Variants in RAB36 observed in about 807,000 individuals in gnomAD.
The protein encoded by RAB36 is RAB36, member RAS oncogene family.
A neutral mutation model predicts 39.3 loss-of-function variants in RAB36; 33 were observed. The observed-to-expected ratio is 0.84, with a 90% confidence interval of 0.64 to 1.12. The LOEUF is 1.12. Ranked by LOEUF, RAB36 falls within the 50% of genes most tolerant of loss-of-function variation. The pLI, the probability that RAB36 is intolerant of heterozygous loss-of-function variation, is 0.00. For missense variants in RAB36, 308 were observed against 355.3 expected, an observed-to-expected ratio of 0.87 and a Z score of 1.07; for synonymous variants, 133 against 140.2, an observed-to-expected ratio of 0.95 and a Z score of 0.36.
In RAB36 at chr22:23,163,325, GTT is replaced by G. The variant is rs1158929864; in HGVS notation, c.*1762_*1763del. The G allele has an allele frequency of 6.5e-6, 1 of 152,978 alleles. No individual in the cohort carries two copies. The highest frequency in any genetic ancestry group is 1.5e-5 in the Non-Finnish European group (1 of 68,682). The allele number at this position is 152,978 out of a possible 1,614,324, so 9.5% of individuals were successfully genotyped here. A position where few individuals can be genotyped will look rare whatever the true frequency, so the allele number is the denominator to read the frequency against. On this transcript the variant is annotated 3_prime_UTR_variant, in exon 11 of 11. Transcript: ENST00000263116. Reference sequence around the variant, plus strand: ...GCTCACTGCAAGCTTCCCCTTCCGGGTTCATGCCATTCTCCTGCCTCAGCCTC... The same window carrying G: ...GCTCACTGCAAGCTTCCCCTTCCGGGCATGCCATTCTCCTGCCTCAGCCTC...
rs375402735 is a variant in RAB36, at chr22:23,163,055, G to A, written c.*1491G>A. 11 of 273,474 alleles carry A rather than the reference G, an allele frequency of 4.0e-5. No individual in the cohort carries two copies. In the East Asian group the frequency reaches 8.6e-4, roughly 21 times the overall value. The allele number at this position is 273,474 out of a possible 1,614,324, so 16.9% of individuals were successfully genotyped here. A position where few individuals can be genotyped will look rare whatever the true frequency, so the allele number is the denominator to read the frequency against. Reference sequence around the variant, plus strand: ...GCCTCCCAAGTAGCTGGGATTACAGGCATGCACCACCATGCCTGGCTAATT... The same window carrying A: ...GCCTCCCAAGTAGCTGGGATTACAGACATGCACCACCATGCCTGGCTAATT... On this transcript the variant is annotated 3_prime_UTR_variant, in exon 11 of 11. Coordinates refer to ENST00000263116, the MANE Select transcript of RAB36 (RefSeq NM_004914.5).
intron 1 of RAB36, among the ~76,000 whole-genome samples, chr22:23,146,382 G>GT (rs900607989): frequency 1.5e-4 from 22 of 151,062 alleles, no homozygotes; most frequent in African/African-American, 2.4e-4. Flanking sequence ...AATTTTTTTG[G>GT]TTTTTTTTTG....
rs1438627610 is a variant in RAB36 at position 23,152,556 on chromosome 22, C to G, written c.227+30C>G. On this transcript the variant is annotated intron_variant, in intron 4 of 10. Coordinates refer to ENST00000263116, the MANE Select transcript of RAB36 (RefSeq NM_004914.5). ...AAGGCTTCCTCTGCCCCTTTGGCCACCTCCCCCAGCACCAGGTTGTCATAC... is the reference window on the plus strand; with the variant it reads ...AAGGCTTCCTCTGCCCCTTTGGCCAGCTCCCCCAGCACCAGGTTGTCATAC... 4 of 1,603,124 alleles carry G rather than the reference C, an allele frequency of 2.5e-6. No homozygotes were observed. The South Asian group carries it at 3.3e-5, about 13-fold the overall frequency.
chr22:23,157,687 C>T (rs1291974147), intron 6 of RAB36, among the ~76,000 whole-genome samples: 4 of 152,248 alleles, frequency 2.6e-5, no homozygotes, highest in African/African-American at 9.6e-5. Flanking sequence ...CTCACCTGAG[C>T]TCCCTTAGCC....
intron 1 of RAB36, 35 bp from the exon 2 acceptor site, chr22:23,146,570 C>T: frequency 6.2e-7 from 1 of 1,609,628 alleles, no homozygotes; most frequent in Non-Finnish European, 8.5e-7. Context: ...ATTTGCACAG[C>T]TCCTTAACTG....
rs144317144 is a variant in RAB36 at position 23,146,659 on chromosome 22, G to C, written c.43G>C (p.Asp15His). ...LTPLGPPVSRDRVIASFPKWY... is the reference protein window; with the variant it reads ...LTPLGPPVSRHRVIASFPKWY... ...ACCTTTGGGGCCCCCTGTGAGCCGCGACCGTGTCATCGCCAGCTTCCCTAA... is the reference window on the plus strand; with the variant it reads ...ACCTTTGGGGCCCCCTGTGAGCCGCCACCGTGTCATCGCCAGCTTCCCTAA... The change falls in exon 2 of 11, where the codon GAC becomes CAC. Residue 15 changes from aspartate to histidine, a missense_variant. Asp to His is a moderately conservative substitution (Grantham distance 81). Coordinates refer to ENST00000263116, the MANE Select transcript of RAB36 (RefSeq NM_004914.5). 1.9e-6 allele frequency: 3 copies of C among 1,613,880 alleles called. No homozygotes were observed. The African/African-American group carries it at 4.0e-5, about 22-fold the overall frequency.
chr22:23,161,652 C>G lies in RAB36; in HGVS notation c.*88C>G. The stretch of plus-strand genomic sequence containing the variant: ...TGGTGTGGAGACTGGAGCCCAAGCT[C>G]TGCAGCGTGTCGCCCTCAAGCTGTA... On this transcript the variant is annotated 3_prime_UTR_variant, in exon 11 of 11. Coordinates refer to ENST00000263116, the MANE Select transcript of RAB36 (RefSeq NM_004914.5). The G allele has an allele frequency of 8.4e-7, 1 of 1,197,574 alleles. No individual in the cohort carries two copies. The highest frequency in any genetic ancestry group is 1.2e-6 in the Non-Finnish European group (1 of 850,234). 74.2% of individuals were successfully genotyped at this position (1,197,574 alleles called of 1,614,324 possible). A position where few individuals can be genotyped will look rare whatever the true frequency, so the allele number is the denominator to read the frequency against.
downstream of RAB36, among the ~76,000 whole-genome samples, chr22:23,169,229 C>A (rs1251835627): frequency 6.6e-6 from 1 of 152,240 alleles, no homozygotes. Flanking sequence ...GCCCTCAGAT[C>A]TTTGCTCCGC....
chr22:23,145,443 G>C, upstream of RAB36: 1 of 1,610,776 alleles, frequency 6.2e-7, no homozygotes, highest in Non-Finnish European at 8.5e-7. Flanking sequence ...CGACGTCGAC[G>C]ATTCGTGTAG....
rs1240333695 is a variant in RAB36 at position 23,162,189 on chromosome 22, T to C, written c.*625T>C. 1 of 179,952 alleles carries C rather than the reference T, an allele frequency of 5.6e-6. No individual in the cohort carries two copies. Among genetic ancestry groups the C allele is most frequent in the Non-Finnish European group, 1.2e-5 (1 of 85,506 alleles). 11.1% of individuals were successfully genotyped at this position (179,952 alleles called of 1,614,324 possible). On this transcript the variant is annotated 3_prime_UTR_variant, in exon 11 of 11. Transcript: ENST00000263116. ...CACCTCTGGAGGACAATGGACAAAA[T>C]GTCTCTTAGACCTGTTCTGGCTGAA...
At chr22:23,168,442 C>T (rs2072085270), downstream of RAB36, among the ~76,000 whole-genome samples, 1 of 152,188 alleles carries the variant, frequency 6.6e-6, no homozygotes, top group Non-Finnish European at 1.5e-5. Flanking sequence ...CCCCTCCTCT[C>T]CTGAGGGAGA....
Position 23,161,744 on chromosome 22 carries a change from G to A in RAB36, c.*180G>A. 1 of 592,624 alleles carries A rather than the reference G, an allele frequency of 1.7e-6. No homozygotes were observed. 36.7% of individuals were successfully genotyped at this position (592,624 alleles called of 1,614,324 possible). A position where few individuals can be genotyped will look rare whatever the true frequency, so the allele number is the denominator to read the frequency against. The stretch of plus-strand genomic sequence containing the variant: ...TCCAGGGCACAGTCACTTGTCCGTT[G>A]CAGGTTGGGCACTAGAAAAGGCCCC... On this transcript the variant is annotated 3_prime_UTR_variant, in exon 11 of 11. Transcript: ENST00000263116.
intron 5 of RAB36, chr22:23,153,465 A>G: frequency 1.6e-6 from 1 of 619,732 alleles, no homozygotes; most frequent in East Asian, 1.4e-4. Context: ...GATCCCACTC[A>G]CCAGGCCAGC....
rs1025091285 is a variant in RAB36 at position 23,150,079 on chromosome 22, C to T, written c.86C>T (p.Ala29Val). 37 of 1,610,948 alleles carry T rather than the reference C, an allele frequency of 2.3e-5. No homozygotes were observed. The highest frequency in any genetic ancestry group is 3.0e-5 in the Non-Finnish European group (35 of 1,178,728). The change falls in exon 3 of 11, where the codon GCC becomes GTC. Residue 29 changes from alanine to valine, a missense_variant. Ala to Val is a moderately conservative substitution (Grantham distance 64). Coordinates refer to ENST00000263116, the MANE Select transcript of RAB36 (RefSeq NM_004914.5). Reference protein sequence around the residue: ...ASFPKWYTPEACLQLREHFHG... With the variant: ...ASFPKWYTPEVCLQLREHFHG... Reference sequence around the variant, plus strand: ...TCTTTGCAGTGGTACACGCCGGAAGCCTGTTTGCAGCTCAGGGAGCACTTC... The same window carrying T: ...TCTTTGCAGTGGTACACGCCGGAAGTCTGTTTGCAGCTCAGGGAGCACTTC...
chr22:23,152,156 T>TC (rs1164148086), intron 3 of RAB36, among the ~76,000 whole-genome samples: 1 of 152,218 alleles, frequency 6.6e-6, no homozygotes, highest in African/African-American at 2.4e-5. Flanking sequence ...CACCCTGGCC[T>TC]CCTGCCTCTG....
At chr22:23,151,507 G>A (rs752458144) in intron 3 of RAB36, among the ~76,000 whole-genome samples, 4 of 152,188 alleles carry the variant, frequency 2.6e-5, no homozygotes, top group South Asian at 4.1e-4. Flanking sequence ...GGCAGAGGAA[G>A]TGCCTGTCAG....
rs913377246 is a variant in RAB36 at position 23,164,443 on chromosome 22, G to C, written c.*2879G>C. 1 of 152,208 alleles carries C rather than the reference G, an allele frequency of 6.6e-6. No homozygotes were observed. Among genetic ancestry groups the C allele is most frequent in the Non-Finnish European group, 1.5e-5 (1 of 68,042 alleles). The allele number at this position is 152,208 out of a possible 1,614,324, so 9.4% of individuals were successfully genotyped here. On this transcript the variant is annotated 3_prime_UTR_variant, in exon 11 of 11. Transcript: ENST00000263116. ...TGGCCTGGGAGGACAGAAGAGTAAG[G>C]TCGCCACGGAAACGCAAGGGGCTCA...
At chr22:23,161,438 C>T (rs1265425737) in intron 10 of RAB36, 62 bp from the exon 11 acceptor site, 2 of 1,421,964 alleles carry the variant, frequency 1.4e-6, no homozygotes, top group Admixed American at 3.5e-5. Context: ...GCCGGCATCC[C>T]CTGCCCAGTG....
At chr22:23,157,066 G>T (rs2071492125) in intron 6 of RAB36, among the ~76,000 whole-genome samples, 1 of 152,150 alleles carries the variant, frequency 6.6e-6, no homozygotes, top group Non-Finnish European at 1.5e-5. Context: ...CTCCACATAG[G>T]GCTCCCCTCA....
Sources: allele counts gnomAD v4.1 joint callset (sites outside exome capture counted in the v4.1 genomes callset), GRCh38; gene constraint gnomAD v4.1.1; transcripts MANE v1.5; gene names NCBI Gene and HGNC (gene_info 2026-07-23, HGNC 2026-07-21).